The following P4HA1 variants were observed in gnomAD, a reference collection of about 807,000 sequenced individuals.
P4HA1 encodes prolyl 4-hydroxylase subunit alpha-1.
In P4HA1, 24 loss-of-function variants were observed where a neutral mutation model predicts 72.8. The observed-to-expected ratio is 0.33, with a 90% CI of 0.24 to 0.46. The LOEUF (loss-of-function observed/expected upper bound fraction) is 0.46. Among genes scored for constraint, P4HA1 ranks in the 20% least tolerant of loss-of-function variants. P4HA1 has a pLI of 1.00. For synonymous variants in P4HA1, 201 were observed against 218.8 expected, an observed-to-expected ratio of 0.92 and a Z score of 0.72; for missense variants, 446 against 640.6, an observed-to-expected ratio of 0.70 and a Z score of 3.28.
At chr10:73,034,305 A>C (rs906124551) in intron 9 of P4HA1, among the ~76,000 whole-genome samples, 1 of 146,234 alleles carries the variant, frequency 6.8e-6, no homozygotes, top group Non-Finnish European at 1.5e-5. Flanking sequence ...ATATAACAGC[A>C]ATTTTACCAT....
intron 9 of P4HA1, among the ~76,000 whole-genome samples, chr10:73,043,506 C>CT (rs941751553): frequency 6.6e-6 from 1 of 152,196 alleles, no homozygotes; most frequent in African/African-American, 2.4e-5. Flanking sequence ...TATAAAGGCA[C>CT]TTACTTACGC....
At position 73,063,174 on chromosome 10, in the gene P4HA1, C is replaced by G. The variant is rs987083526; in HGVS notation, c.463+5672G>C. On this transcript the variant is annotated intron_variant, in intron 5 of 14. Transcript: ENST00000394890. ...AAGGACTGGATAATTTATAAAAAAA[C>G]AAATTTATTTTCTCACAGTTCTAGA... Among the ~76,000 whole-genome samples, 6 of 152,040 alleles carry G rather than the reference C, an allele frequency of 3.9e-5. No individual in the cohort carries two copies. In the East Asian group the frequency reaches 1.2e-3, roughly 29 times the overall value.
At chr10:73,021,118 G>C (rs930897259) in intron 10 of P4HA1, among the ~76,000 whole-genome samples, 3 of 151,844 alleles carry the variant, frequency 2.0e-5, no homozygotes, top group African/African-American at 7.3e-5. Flanking sequence ...CTGGGCAAGA[G>C]AGTAAGACTA....
At chr10:73,093,255 G>A (rs1004192627) in intron 1 of P4HA1, among the ~76,000 whole-genome samples, 21 of 151,898 alleles carry the variant, frequency 1.4e-4, no homozygotes, top group African/African-American at 5.1e-4. Context: ...GCCCAATATA[G>A]AACTCATTCA....
intron 5 of P4HA1, among the ~76,000 whole-genome samples, chr10:73,067,325 G>A (rs915662445): frequency 1.7e-4 from 26 of 152,150 alleles, no homozygotes; most frequent in African/African-American, 4.8e-4. Flanking sequence ...CTGGTTCTTC[G>A]TCCCTTGGCC....
chr10:73,023,614 T>A (rs749198002), intron 10 of P4HA1, among the ~76,000 whole-genome samples: 1 of 152,054 alleles, frequency 6.6e-6, no homozygotes. Flanking sequence ...CCAGCGAACA[T>A]CATAATGACA....
At chr10:73,024,146 G>C (rs188576947) in intron 10 of P4HA1, among the ~76,000 whole-genome samples, 4 of 152,256 alleles carry the variant, frequency 2.6e-5, no homozygotes, top group East Asian at 3.9e-4. Context: ...CATTATAATA[G>C]ACATCTACAG....
chr10:73,075,288 T>A (rs1841671744), intron 1 of P4HA1, among the ~76,000 whole-genome samples: 1 of 152,160 alleles, frequency 6.6e-6, no homozygotes, highest in Non-Finnish European at 1.5e-5. Flanking sequence ...TTTGTCTTTT[T>A]AGCAGAGACA....
chr10:73,037,603 G>C (rs1463880771), intron 9 of P4HA1, among the ~76,000 whole-genome samples: 2 of 89,450 alleles, frequency 2.2e-5, no homozygotes, highest in African/African-American at 8.7e-5. Context: ...AAAGGCAAAA[G>C]ATAAGTCACA....
At position 73,036,927 on chromosome 10, in the gene P4HA1, T is replaced by C. The variant is rs544264115; in HGVS notation, c.1149-6557A>G. On this transcript the variant is annotated intron_variant, in intron 9 of 14. Coordinates refer to ENST00000394890, the MANE Select transcript of P4HA1 (RefSeq NM_001017962.3). The stretch of plus-strand genomic sequence containing the variant: ...ATTCTTCTAGGACCTGGAAGTCTTA[T>C]TCCTGTGTTAGATTAAATCATAAGA... 7.2e-5 allele frequency among the ~76,000 whole-genome samples: 11 copies of C among 152,300 alleles called. No individual in the cohort carries two copies. The South Asian group carries it at 2.1e-3, about 29-fold the overall frequency.
chr10:73,095,271 C>T (rs994914329), intron 1 of P4HA1, among the ~76,000 whole-genome samples: 4 of 143,498 alleles, frequency 2.8e-5, no homozygotes, highest in Non-Finnish European at 6.1e-5. Flanking sequence ...GGTGTGTATT[C>T]ACATTTCACA....
At chr10:73,017,472 C>A (rs1364502571) in intron 10 of P4HA1, among the ~76,000 whole-genome samples, 1 of 152,056 alleles carries the variant, frequency 6.6e-6, no homozygotes, top group Non-Finnish European at 1.5e-5. Context: ...CATGCTACCA[C>A]ACCCAGCTAA....
chr10:73,074,701 C>G (rs2133136982), intron 2 of P4HA1, 107 bp downstream of exon 2: 2 of 670,418 alleles, frequency 3.0e-6, no homozygotes, highest in South Asian at 3.4e-5. Context: ...GGGAATAAAC[C>G]TATACTCTAG....
In P4HA1 at chr10:73,053,508, A is replaced by G; in HGVS notation, c.546T>C (p.His182=). Residue 182 remains histidine, a synonymous_variant, in exon 6 of 15, where the codon CAT becomes CAC. Transcript: ENST00000394890. ...GGGCTTGTTCCATCCACAGTTCCGTATGGTAATAATCTGCTTCTGTATAGG... is the reference window on the plus strand; with the variant it reads ...GGGCTTGTTCCATCCACAGTTCCGTGTGGTAATAATCTGCTTCTGTATAGG... ...KVAYTEADYY[H]TELWMEQALR... The G allele has an allele frequency of 6.2e-7, 1 of 1,614,074 alleles. No homozygotes were observed. Among genetic ancestry groups the G allele is most frequent in the Middle Eastern group, 1.6e-4 (1 of 6,062 alleles).
At chr10:73,019,051 C>T (rs1186929522) in intron 10 of P4HA1, among the ~76,000 whole-genome samples, 1 of 152,110 alleles carries the variant, frequency 6.6e-6, no homozygotes, top group African/African-American at 2.4e-5. Flanking sequence ...ACCAAGAAGA[C>T]TCCCACTGGC....
intron 5 of P4HA1, among the ~76,000 whole-genome samples, chr10:73,060,352 T>C (rs1045862197): frequency 1.1e-4 from 17 of 152,176 alleles, no homozygotes; most frequent in African/African-American, 3.9e-4. Flanking sequence ...ACAAACTATA[T>C]AGCAATAATC....
At chr10:73,082,121 G>A (rs1401961669) in intron 1 of P4HA1, among the ~76,000 whole-genome samples, 1 of 152,182 alleles carries the variant, frequency 6.6e-6, no homozygotes, top group Non-Finnish European at 1.5e-5. Flanking sequence ...TTATAAAATA[G>A]GCTTTGTTAG....
intron 10 of P4HA1, among the ~76,000 whole-genome samples, chr10:73,020,859 G>A (rs886552663): frequency 8.5e-5 from 13 of 152,182 alleles, no homozygotes; most frequent in African/African-American, 2.7e-4. Flanking sequence ...TCCTGGCCAG[G>A]CACAGTGGCT....
At chr10:73,074,684 G>C in intron 2 of P4HA1, 124 bp downstream of exon 2, 3 of 606,410 alleles carry the variant, frequency 4.9e-6, no homozygotes, top group Non-Finnish European at 3.0e-6. Context: ...GGACCTTTTA[G>C]GGGGCAGGGA....
Sources: allele counts gnomAD v4.1 joint callset (sites outside exome capture counted in the v4.1 genomes callset), GRCh38; gene constraint gnomAD v4.1.1; transcripts MANE v1.5; gene names NCBI Gene and HGNC (gene_info 2026-07-23, HGNC 2026-07-21).